ASPSCR1: variants seen among roughly 807,000 people sequenced by gnomAD.
ASPSCR1 encodes the protein ASPSCR1 tether for SLC2A4, UBX domain containing, also known as tether containing UBX domain for GLUT4.
In ASPSCR1, 55 loss-of-function variants were observed where a neutral mutation model predicts 68.9. The ratio of observed to expected loss-of-function variants is 0.80; its 90% CI spans 0.64 to 1.00. ASPSCR1 has a LOEUF of 1.00. Ranked by LOEUF, ASPSCR1 falls within the 50% of genes least tolerant of loss-of-function variation. The probability of loss-of-function intolerance (pLI) is 0.00; values close to 1 mark genes in which losing one functional copy is unlikely to be tolerated. For synonymous variants in ASPSCR1, 352 were observed against 332.6 expected (o/e 1.06, Z -0.63); for missense variants, 765 against 762.2 (o/e 1.00, Z -0.04).
intron 6 of ASPSCR1, 24 bp downstream of exon 6, chr17:81,996,089 G>A (rs754525845): frequency 3.5e-5 from 56 of 1,578,264 alleles, no homozygotes; most frequent in South Asian, 3.0e-4. Context: ...TGCTGGGGCC[G>A]AGGAGTCTAT....
chr17:82,016,506 T>G lies in ASPSCR1; in HGVS notation c.1384T>G (p.Leu462Val), dbSNP rs940968592. ...CCTCTTCCCGGCCGCTCTGGTGCAC[T>G]TGGGAGCCGAGGAGCCGGCAGGTGA... ...ANLFPAALVHLGAEEPAGVYL... is the reference protein window; with the variant it reads ...ANLFPAALVHVGAEEPAGVYL... Residue 462 changes from leucine (L) to valine (V), a missense_variant, in exon 13 of 16, where the codon TTG becomes GTG. By Grantham distance (32) the Leu-to-Val change is conservative. Coordinates refer to ENST00000306739, the MANE Select transcript of ASPSCR1 (RefSeq NM_024083.4). The G allele has an allele frequency of 6.5e-7, 1 of 1,548,806 alleles. No homozygotes were observed. Among genetic ancestry groups the G allele is most frequent in the Non-Finnish European group, 8.7e-7 (1 of 1,147,090 alleles).
At position 82,000,040 on chromosome 17, in the gene ASPSCR1, G is replaced by A. The variant is rs2042477234; in HGVS notation, c.933+3194G>A. 3.9e-5 allele frequency among the ~76,000 whole-genome samples: 6 copies of A among 152,240 alleles called. No homozygotes were observed. The South Asian group carries it at 8.3e-4, about 21-fold the overall frequency. On this transcript the variant is annotated intron_variant, in intron 7 of 15. Coordinates refer to ENST00000306739, the MANE Select transcript of ASPSCR1 (RefSeq NM_024083.4). ...CCCTCTGGGAACTCTGCCAAACTCT[G>A]CACTGTGACACCTGAGTCCCCATGA...
At chr17:81,994,949 G>C (rs756308454) in intron 5 of ASPSCR1, 71 bp downstream of exon 5, 1 of 1,484,008 alleles carries the variant, frequency 6.7e-7, no homozygotes, top group Non-Finnish European at 9.2e-7. Context: ...AAAATCTGCT[G>C]TCCCGCAGCC....
At chr17:82,004,417 T>G (rs145080338) in intron 7 of ASPSCR1, 1 of 152,276 alleles carries the variant, frequency 6.6e-6, no homozygotes, top group Non-Finnish European at 1.5e-5. Flanking sequence ...GGCCGGGACC[T>G]GGGGGTCCAC....
Position 82,016,958 on chromosome 17 carries a change from C to A in ASPSCR1, c.1493C>A (p.Ala498Asp), listed in dbSNP as rs776895015. The change falls in exon 15 of 16, where the codon GCC becomes GAC. Residue 498 changes from alanine to aspartate, a missense_variant. Physicochemically the swap from Ala to Asp is moderately radical, Grantham distance 126. Transcript: ENST00000306739. The stretch of plus-strand genomic sequence containing the variant: ...CCCCACAGGTACATGTCCAGGGCCG[C>A]CGGGTCCCCTTCCCCATTGCCAGCC... ...VLVARYMSRA[A>D]GSPSPLPAPD... 5 of 1,611,630 alleles carry A rather than the reference C, an allele frequency of 3.1e-6. No individual in the cohort carries two copies. The highest frequency in any genetic ancestry group is 4.2e-6 in the Non-Finnish European group (5 of 1,179,230).
At chr17:81,984,895 ACC>A (rs2041922984) in intron 3 of ASPSCR1, among the ~76,000 whole-genome samples, 1 of 59,454 alleles carries the variant, frequency 1.7e-5, no homozygotes, top group African/African-American at 6.8e-5. Flanking sequence ...CCCCACACAC[ACC>A]CACACACACC....
chr17:82,006,157 TGTG>T (rs1013537183), intron 7 of ASPSCR1: 1 of 149,462 alleles, frequency 6.7e-6, no homozygotes, highest in African/African-American at 2.5e-5. Flanking sequence ...TGCATGTCCT[TGTG>T]GGTGCACGTG....
rs2041873974 is a variant in ASPSCR1 at position 81,983,739 on chromosome 17, G to A, written c.273+71G>A. On this transcript the variant is annotated intron_variant, in intron 3 of 15. Transcript: ENST00000306739. This position sits in a 1 kb window ranked among gnomAD's most constrained non-coding sequence, Gnocchi z 4.4. ...GTTCAGCTGGCCAGGGACGGGGGAC[G>A]GGACAGTGGGGGGTGCTGGGGAAGG... The A allele has an allele frequency of 1.2e-5, 15 of 1,286,688 alleles. No homozygotes were observed. The highest frequency in any genetic ancestry group is 3.9e-5 in the Admixed American group (2 of 50,898). 79.7% of individuals were successfully genotyped at this position (1,286,688 alleles called of 1,614,324 possible).
chr17:81,999,924 C>T lies in ASPSCR1; in HGVS notation c.933+3078C>T, dbSNP rs372226554. Among the ~76,000 whole-genome samples, 2 of 152,336 alleles carry T rather than the reference C, an allele frequency of 1.3e-5. No individual in the cohort carries two copies. Among genetic ancestry groups the T allele is most frequent in the African/African-American group, 4.8e-5 (2 of 41,588 alleles). ...CTCTGTTTTCTGTCCCCCTGGCTGT[C>T]CTGGGACTGTTCCTGTTGAGTGGAC... On this transcript the variant is annotated intron_variant, in intron 7 of 15. Transcript: ENST00000306739. This position sits in a 1 kb window ranked among gnomAD's most constrained non-coding sequence, Gnocchi z 4.4.
rs896012507 is a variant in ASPSCR1, at chr17:81,986,368, G to A, written c.374+761G>A. Among the ~76,000 whole-genome samples, 1 of 152,168 alleles carries A rather than the reference G, an allele frequency of 6.6e-6. No individual in the cohort carries two copies. The highest frequency in any genetic ancestry group is 1.5e-5 in the Non-Finnish European group (1 of 68,036). ...GATCACTTGAGCCGTGGAGGCAGTT[G>A]CAGTGAGCCGAGATCGCACTGCTGC... On this transcript the variant is annotated intron_variant, in intron 4 of 15. Coordinates refer to ENST00000306739, the MANE Select transcript of ASPSCR1 (RefSeq NM_024083.4). The surrounding 1 kb of genome is among the most constrained non-coding windows in gnomAD (Gnocchi z 5.2).
chr17:81,990,142 T>C lies in ASPSCR1; in HGVS notation c.374+4535T>C, dbSNP rs1375591248. 6.6e-6 allele frequency among the ~76,000 whole-genome samples: 1 copy of C among 152,192 alleles called. No individual in the cohort carries two copies. The highest frequency in any genetic ancestry group is 1.9e-4 in the East Asian group (1 of 5,190). On this transcript the variant is annotated intron_variant, in intron 4 of 15. Transcript: ENST00000306739. The surrounding 1 kb of genome is among the most constrained non-coding windows in gnomAD (Gnocchi z 4.1). ...AAACAGGTGTCATTAATTTTAGTAATACGTGTAGTTAACTCAGTATACCCA... is the reference window on the plus strand; with the variant it reads ...AAACAGGTGTCATTAATTTTAGTAACACGTGTAGTTAACTCAGTATACCCA...
rs1394565677 is a variant in ASPSCR1, at chr17:81,996,561, G to A, written c.648G>A (p.Glu216=). The A allele has an allele frequency of 6.2e-7, 1 of 1,613,020 alleles. No homozygotes were observed. Among genetic ancestry groups the A allele is most frequent in the South Asian group, 1.1e-5 (1 of 91,070 alleles). ...GCCGCGGCGACTTGAGCCGTCCGGA[G>A]GACGCGGACACCTCAGGGCCCTGCT... ...ELSRGDLSRP[E]DADTSGPCCE... is the part of the protein sequence containing the mutation. Residue 216 remains glutamate, a synonymous_variant, in exon 7 of 16, where the codon GAG becomes GAA. Coordinates refer to ENST00000306739, the MANE Select transcript of ASPSCR1 (RefSeq NM_024083.4).
At chr17:82,009,652 G>C (rs2042849868) in intron 9 of ASPSCR1, 85 bp downstream of exon 9, 1 of 852,334 alleles carries the variant, frequency 1.2e-6, no homozygotes, top group African/African-American at 2.1e-5. Flanking sequence ...GGGCGACTGA[G>C]GCACAGCTCT....
intron 12 of ASPSCR1, chr17:82,016,128 G>A (rs945644217): frequency 1.4e-4 from 42 of 299,266 alleles, no homozygotes; most frequent in Admixed American, 2.3e-4. Context: ...TGGTCCCGGC[G>A]CATCCGCCAG....
At chr17:82,016,039 C>G (rs142782896) in intron 12 of ASPSCR1, 1 of 188,450 alleles carries the variant, frequency 5.3e-6, no homozygotes, top group African/African-American at 2.4e-5. Context: ...GCCTGTGGCC[C>G]TGAGCAGCCT....
At chr17:81,996,241 C>T (rs2042332981) in intron 6 of ASPSCR1, among the ~76,000 whole-genome samples, 176 bp downstream of exon 6, 1 of 151,994 alleles carries the variant, frequency 6.6e-6, no homozygotes, top group Non-Finnish European at 1.5e-5. Flanking sequence ...CTGCCCCGAC[C>T]TCATCTCTGT....
At position 81,983,748 on chromosome 17, in the gene ASPSCR1, G is replaced by C. The variant is rs1252170479; in HGVS notation, c.273+80G>C. 32 of 1,212,000 alleles carry C rather than the reference G, an allele frequency of 2.6e-5. No homozygotes were observed. Among genetic ancestry groups the C allele is most frequent in the African/African-American group, 1.5e-5 (1 of 66,566 alleles). 75.1% of individuals were successfully genotyped at this position (1,212,000 alleles called of 1,614,324 possible). A position where few individuals can be genotyped will look rare whatever the true frequency, so the allele number is the denominator to read the frequency against. Reference sequence around the variant, plus strand: ...GCCAGGGACGGGGGACGGGACAGTGGGGGGTGCTGGGGAAGGAGGGACATG... The same window carrying C: ...GCCAGGGACGGGGGACGGGACAGTGCGGGGTGCTGGGGAAGGAGGGACATG... On this transcript the variant is annotated intron_variant, in intron 3 of 15. Coordinates refer to ENST00000306739, the MANE Select transcript of ASPSCR1 (RefSeq NM_024083.4). The surrounding 1 kb of genome is among the most constrained non-coding windows in gnomAD (Gnocchi z 4.4).
rs554104752 is a variant in ASPSCR1, at chr17:81,999,123, T to A, written c.933+2277T>A. Among the ~76,000 whole-genome samples, 98 of 152,348 alleles carry A rather than the reference T, an allele frequency of 6.4e-4. No homozygotes were observed. Among genetic ancestry groups the A allele is most frequent in the Non-Finnish European group, 1.2e-3 (85 of 68,040 alleles). ...AGGTGTTCGTGGCATTTATGGGTTT[T>A]GTGCCAAAAGAGGCAGACTGGGGGA... On this transcript the variant is annotated intron_variant, in intron 7 of 15. Transcript: ENST00000306739. The surrounding 1 kb of genome is among the most constrained non-coding windows in gnomAD (Gnocchi z 4.4).
chr17:82,010,846 C>A lies in ASPSCR1; in HGVS notation c.1215C>A (p.Gly405=). Residue 405 remains glycine, a synonymous_variant, in exon 10 of 16, where the codon GGC becomes GGA. Transcript: ENST00000306739. ...VLFPDRYVLQ[G]FFRPSETVGD... is the part of the protein sequence containing the mutation. ...TCCCCGACCGCTACGTCCTACAGGGCTTCTTCCGCCCCAGCGAGACAGGTG... is the reference window on the plus strand; with the variant it reads ...TCCCCGACCGCTACGTCCTACAGGGATTCTTCCGCCCCAGCGAGACAGGTG... The A allele has an allele frequency of 6.2e-7, 1 of 1,612,968 alleles. No individual in the cohort carries two copies. Among genetic ancestry groups the A allele is most frequent in the Middle Eastern group, 1.7e-4 (1 of 6,028 alleles).
Sources: allele counts gnomAD v4.1 joint callset (sites outside exome capture counted in the v4.1 genomes callset), GRCh38; gene constraint gnomAD v4.1.1; non-coding constraint Gnocchi (gnomAD v3.1); transcripts MANE v1.5; gene names NCBI Gene and HGNC (gene_info 2026-07-23, HGNC 2026-07-21).